Variants in RCOR2 observed in about 807,000 individuals in gnomAD.
The protein encoded by RCOR2 is REST corepressor 2.
In RCOR2, 19 loss-of-function variants were observed where a neutral mutation model predicts 58.9. The ratio of observed to expected loss-of-function variants is 0.32; its 90% CI spans 0.23 to 0.47. The LOEUF (loss-of-function observed/expected upper bound fraction) is 0.47, where lower values mean the gene tolerates loss of function less well. Among genes scored for constraint, RCOR2 ranks in the 20% least tolerant of loss-of-function variants. RCOR2 has a pLI of 1.00. For synonymous variants in RCOR2, 286 were observed against 278.7 expected (o/e 1.03, Z -0.26); for missense variants, 590 against 707.9 (o/e 0.83, Z 1.89).
intron 9 of RCOR2, 32 bp downstream of exon 9, chr11:63,912,838 C>T (rs760201005): frequency 1.2e-6 from 2 of 1,611,004 alleles, no homozygotes; most frequent in African/African-American, 1.3e-5. Flanking sequence ...GAGAAACCCC[C>T]CTTTGCACCC....
At chr11:63,926,947 G>A in the RCOR2 span, among the ~76,000 whole-genome samples, 8 of 152,044 alleles carry the variant, frequency 5.3e-5, no homozygotes, top group South Asian at 1.2e-3. Flanking sequence ...TCAGTCTCTC[G>A]AGTAGCTGGG....
the RCOR2 span, among the ~76,000 whole-genome samples, chr11:63,923,031 C>T: frequency 6.6e-6 from 1 of 152,098 alleles, no homozygotes; most frequent in Non-Finnish European, 1.5e-5. Context: ...AGCATAGGAC[C>T]TTGCCTCCCA....
At position 63,914,060 on chromosome 11, in the gene RCOR2, C is replaced by G; in HGVS notation, c.785G>C (p.Gly262Ala). 4 of 1,613,872 alleles carry G rather than the reference C, an allele frequency of 2.5e-6. No individual in the cohort carries two copies. The highest frequency in any genetic ancestry group is 1.7e-4 in the Middle Eastern group (1 of 6,042). Residue 262 changes from glycine (G) to alanine (A), a missense_variant, in exon 8 of 12, where the codon GGC (glycine) becomes GCC (alanine). Physicochemically the swap from Gly to Ala is moderately conservative, Grantham distance 60. Coordinates refer to ENST00000301459, the MANE Select transcript of RCOR2 (RefSeq NM_173587.4). ...GAGGCCTTCAGGGCTCAGGTACATG[C>G]CCTTGGGTGGGCGACGCCGGGTTCG... ...PLRTRRRPPK[G>A]MYLSPEGLTA...
chr11:63,911,755 A>C lies in RCOR2; in HGVS notation c.*110T>G, dbSNP rs181720436. 7.9e-6 allele frequency: 11 copies of C among 1,390,694 alleles called. No individual in the cohort carries two copies. The East Asian group carries it at 3.2e-4, about 41-fold the overall frequency. The allele number at this position is 1,390,694 out of a possible 1,614,324, so 86.1% of individuals were successfully genotyped here. A position where few individuals can be genotyped will look rare whatever the true frequency, so the allele number is the denominator to read the frequency against. On this transcript the variant is annotated 3_prime_UTR_variant, in exon 12 of 12. Coordinates refer to ENST00000301459, the MANE Select transcript of RCOR2 (RefSeq NM_173587.4). The stretch of plus-strand genomic sequence containing the variant: ...GGGCTGTCCGAAACTCTGGTCTTAC[A>C]AAGACCCCGCCAGAGCCCTAGTCCC...
the RCOR2 span, among the ~76,000 whole-genome samples, chr11:63,924,122 G>T: frequency 6.6e-6 from 1 of 152,152 alleles, no homozygotes; most frequent in Non-Finnish European, 1.5e-5. Flanking sequence ...TAGTCAGGCT[G>T]GTCTCAAACT....
At chr11:63,924,648 C>G in the RCOR2 span, among the ~76,000 whole-genome samples, 1 of 152,136 alleles carries the variant, frequency 6.6e-6, no homozygotes, top group Non-Finnish European at 1.5e-5. Context: ...AAGAGTCCCC[C>G]CACTGGACTC....
chr11:63,916,392 G>A lies in RCOR2; in HGVS notation c.65C>T (p.Thr22Met). The change falls in exon 1 of 12, where the codon ACG becomes ATG. Residue 22 changes from threonine to methionine, a missense_variant. Physicochemically the swap from Thr to Met is moderately conservative, Grantham distance 81 (BLOSUM62 -1). This residue lies in a region of RCOR2 where 390 missense variants were observed against 478.7 expected (regional missense o/e 0.81). Coordinates refer to ENST00000301459, the MANE Select transcript of RCOR2 (RefSeq NM_173587.4). ...GTGGGGCTGTCCGCCGTTGGGCACC[G>A]TCTTGGCCCGGCTACGGGACAGGAT... Reference protein sequence around the residue: ...SGILSRSRAKTVPNGGQPHSE... With the variant: ...SGILSRSRAKMVPNGGQPHSE... 6.2e-7 allele frequency: 1 copy of A among 1,607,588 alleles called. No homozygotes were observed. Among genetic ancestry groups the A allele is most frequent in the South Asian group, 1.1e-5 (1 of 89,716 alleles).
Position 63,912,865 on chromosome 11 carries a change from C to G in RCOR2, c.969+5G>C. 5 of 1,613,626 alleles carry G rather than the reference C, an allele frequency of 3.1e-6. No homozygotes were observed. The highest frequency in any genetic ancestry group is 4.2e-6 in the Non-Finnish European group (5 of 1,179,762). On this transcript the variant is annotated splice_donor_5th_base_variant and intron_variant, in intron 9 of 11. Transcript: ENST00000301459. The stretch of plus-strand genomic sequence containing the variant: ...TTTGCACCCTAACTTAAAGAGCAGC[C>G]ATACCTCCGGGGGGCGTAGTGGATC...
the RCOR2 span, among the ~76,000 whole-genome samples, chr11:63,924,187 C>A: frequency 0.13 from 19,307 of 151,968 alleles, 3,110 homozygotes; most frequent in African/African-American, 0.38. Context: ...GGATAACAGG[C>A]GTGAGCCACC....
the RCOR2 span, among the ~76,000 whole-genome samples, chr11:63,923,893 C>T: frequency 6.6e-6 from 1 of 152,200 alleles, no homozygotes; most frequent in East Asian, 1.9e-4. Context: ...TGCCCCTTCC[C>T]TATCCCTCTT....
Position 63,912,150 on chromosome 11 carries a change from C to A in RCOR2, c.1287G>T (p.Val429=), listed in dbSNP as rs1481910903. ...EVQITSVSTS[V]PRSVPPAPPP... ...GTGGCGCAGGGGGCACTGATCGGGG[C>A]ACGGACGTGGAGACCGATGTAATCT... The change falls in exon 12 of 12, where the codon GTG becomes GTT. Residue 429 remains valine (V), a synonymous_variant. Transcript: ENST00000301459. The A allele has an allele frequency of 6.5e-7, 1 of 1,536,604 alleles. No individual in the cohort carries two copies. The highest frequency in any genetic ancestry group is 2.1e-5 in the Admixed American group (1 of 48,032).
chr11:63,915,072 G>C, intron 3 of RCOR2, 106 bp downstream of exon 3: 1 of 1,537,926 alleles, frequency 6.5e-7, no homozygotes, highest in Non-Finnish European at 9.0e-7. Context: ...CCCAGGGCAA[G>C]GGTTGGACCC....
intron 1 of RCOR2, 60 bp downstream of exon 1, chr11:63,916,270 C>A (rs1355401036): frequency 7.0e-7 from 1 of 1,423,852 alleles, no homozygotes; most frequent in East Asian, 2.5e-5. Context: ...TCTTCCCCCT[C>A]CCGCCCCACT....
upstream of RCOR2, among the ~76,000 whole-genome samples, chr11:63,921,963 C>T (rs948098283): frequency 6.6e-6 from 1 of 152,288 alleles, no homozygotes; most frequent in South Asian, 2.1e-4. Flanking sequence ...AGAGGTGGGA[C>T]CTTTGGGCAT....
In RCOR2 at chr11:63,916,384, T is replaced by G; in HGVS notation, c.73A>C (p.Asn25His). The change falls in exon 1 of 12, where the codon AAC (asparagine) becomes CAC (histidine). Residue 25 changes from asparagine (N) to histidine (H), a missense_variant. Physicochemically the swap from Asn to His is moderately conservative, Grantham distance 68 (BLOSUM62 1). Coordinates refer to ENST00000301459, the MANE Select transcript of RCOR2 (RefSeq NM_173587.4). The stretch of plus-strand genomic sequence containing the variant: ...TCCTCCGAGTGGGGCTGTCCGCCGT[T>G]GGGCACCGTCTTGGCCCGGCTACGG... ...LSRSRAKTVP[N>H]GGQPHSEDDS... 6.2e-7 allele frequency: 1 copy of G among 1,607,998 alleles called. No individual in the cohort carries two copies. Among genetic ancestry groups the G allele is most frequent in the South Asian group, 1.1e-5 (1 of 89,784 alleles).
At chr11:63,919,280 G>T (rs1445815113), upstream of RCOR2, among the ~76,000 whole-genome samples, 4 of 152,000 alleles carry the variant, frequency 2.6e-5, no homozygotes, top group African/African-American at 7.2e-5. Flanking sequence ...GAGGGGCAAG[G>T]CCCCACCCCT....
At chr11:63,913,684 G>A (rs1941813087) in intron 8 of RCOR2, among the ~76,000 whole-genome samples, 1 of 151,708 alleles carries the variant, frequency 6.6e-6, no homozygotes, top group Admixed American at 6.6e-5. Flanking sequence ...GTTTCACTAT[G>A]TTGGCCAGGA....
At position 63,914,897 on chromosome 11, in the gene RCOR2, C is replaced by T. The variant is rs756675561; in HGVS notation, c.318+5G>A. 6.2e-7 allele frequency: 1 copy of T among 1,613,726 alleles called. No homozygotes were observed. Among genetic ancestry groups the T allele is most frequent in the Non-Finnish European group, 8.5e-7 (1 of 1,179,852 alleles). On this transcript the variant is annotated splice_donor_5th_base_variant and intron_variant, in intron 4 of 11. Coordinates refer to ENST00000301459, the MANE Select transcript of RCOR2 (RefSeq NM_173587.4). ...ATTCCCAAGTCCCTGGGGGCCAAGGCTCACCTGCTCAATGTTGTAGCCATG... is the reference window on the plus strand; with the variant it reads ...ATTCCCAAGTCCCTGGGGGCCAAGGTTCACCTGCTCAATGTTGTAGCCATG...
In RCOR2 at chr11:63,914,506, G is replaced by A. The variant is rs1941828888; in HGVS notation, c.516C>T (p.Tyr172=). The A allele has an allele frequency of 1.2e-6, 2 of 1,613,704 alleles. No homozygotes were observed. The highest frequency in any genetic ancestry group is 2.2e-5 in the South Asian group (2 of 91,094). The part of the protein sequence containing the change: ...PDKLIPSLVK[Y]YYSWKKTRSR... ...TGCGGGTCTTCTTCCAAGAGTAGTA[G>A]TATTTCACCAGGCTGGGAATCAACT... The change falls in exon 6 of 12, where the codon TAC becomes TAT. Residue 172 remains tyrosine (Y), a synonymous_variant. Coordinates refer to ENST00000301459, the MANE Select transcript of RCOR2 (RefSeq NM_173587.4).
Sources: allele counts gnomAD v4.1 joint callset (sites outside exome capture counted in the v4.1 genomes callset), GRCh38; gene constraint gnomAD v4.1.1; regional missense constraint gnomAD v4.1.1; transcripts MANE v1.5; gene names NCBI Gene and HGNC (gene_info 2026-07-23, HGNC 2026-07-21).